LPCAT3: variants seen among roughly 807,000 people sequenced by gnomAD.
The protein encoded by LPCAT3 is lysophosphatidylcholine acyltransferase 3.
A neutral mutation model predicts 63.4 loss-of-function variants in LPCAT3; 21 were observed. The ratio of observed to expected loss-of-function variants is 0.33; its 90% confidence interval spans 0.23 to 0.48. The LOEUF is 0.48. Among genes scored for constraint, LPCAT3 ranks in the 20% least tolerant of loss-of-function variants. The pLI, the probability that LPCAT3 is intolerant of heterozygous loss-of-function variation, is 0.99. For synonymous variants in LPCAT3, 242 were observed against 227.5 expected (o/e 1.06, Z -0.58); for missense variants, 451 against 590.6 (o/e 0.76, Z 2.45).
Position 7,018,278 on chromosome 12 carries a change from G to A in LPCAT3, c.147C>T (p.Phe49=). 6.2e-7 allele frequency: 1 copy of A among 1,601,428 alleles called. No homozygotes were observed. Among genetic ancestry groups the A allele is most frequent in the Non-Finnish European group, 8.5e-7 (1 of 1,174,456 alleles). ...GGGAGGCAGGAGGGTCCTTACCCAGGAAGATGGAGATGATCAGCCGCAGCG... is the reference window on the plus strand; with the variant it reads ...GGGAGGCAGGAGGGTCCTTACCCAGAAAGATGGAGATGATCAGCCGCAGCG... ...EQALRLIISI[F]LGYPFALFYR... The change falls in exon 1 of 13, where the codon TTC becomes TTT. Residue 49 remains phenylalanine (F), a synonymous_variant. Transcript: ENST00000261407. This position sits in a 1 kb window ranked among gnomAD's most constrained non-coding sequence, Gnocchi z 4.9.
intron 2 of LPCAT3, 169 bp from the exon 3 acceptor site, chr12:6,982,951 G>C (rs1034613728): frequency 7.5e-6 from 5 of 664,978 alleles, no homozygotes; most frequent in Admixed American, 2.4e-5. Context: ...AAATAAAAAA[G>C]ATTATTAGGG....
At chr12:7,007,804 G>A (rs1051639748) in intron 1 of LPCAT3, among the ~76,000 whole-genome samples, 1 of 152,090 alleles carries the variant, frequency 6.6e-6, no homozygotes, top group South Asian at 2.1e-4. Context: ...CATGACAAAA[G>A]CTTTTTATTT....
intron 7 of LPCAT3, chr12:6,979,133 A>ATAT (rs1946442311): frequency 5.9e-6 from 2 of 336,356 alleles, no homozygotes; most frequent in Non-Finnish European, 1.1e-5. Flanking sequence ...AAGTGCCCAA[A>ATAT]TGTATCAGTC....
rs782658943 is a variant in LPCAT3 at position 7,007,204 on chromosome 12, C to T, written c.151+11070G>A. ...GATTACAAGCGCCTGCCACCATGCC[C>T]GGCTAATTTTTTGGATTTTTTTTTT... On this transcript the variant is annotated intron_variant, in intron 1 of 12. Coordinates refer to ENST00000261407, the MANE Select transcript of LPCAT3 (RefSeq NM_005768.6). Among the ~76,000 whole-genome samples the T allele has an allele frequency of 2.0e-3, 305 of 151,838 alleles. 1 individual carries two copies. Among genetic ancestry groups the T allele is most frequent in the African/African-American group, 6.4e-3 (266 of 41,388 alleles).
At chr12:6,992,626 T>C (rs782044082) in intron 1 of LPCAT3, among the ~76,000 whole-genome samples, 1 of 152,250 alleles carries the variant, frequency 6.6e-6, no homozygotes, top group Non-Finnish European at 1.5e-5. Flanking sequence ...GACTGCATGC[T>C]GATATGGAAT....
At position 7,018,428 on chromosome 12, in the gene LPCAT3, A is replaced by T; in HGVS notation, c.-4T>A. 15 of 1,598,244 alleles carry T rather than the reference A, an allele frequency of 9.4e-6. No homozygotes were observed. Among genetic ancestry groups the T allele is most frequent in the Non-Finnish European group, 1.2e-5 (14 of 1,171,364 alleles). ...CCCCCTCCGCTGAGGACGCCATCTT[A>T]ACTCCGGGAGCCCCACAGGGACCCC... On this transcript the variant is annotated 5_prime_UTR_variant, in exon 1 of 13. Transcript: ENST00000261407. The surrounding 1 kb of genome is among the most constrained non-coding windows in gnomAD (Gnocchi z 4.9).
Position 6,978,209 on chromosome 12 carries a change from C to G in LPCAT3, c.1040+132G>C, listed in dbSNP as rs966785470. 3.1e-5 allele frequency: 33 copies of G among 1,081,670 alleles called. No individual in the cohort carries two copies. The Admixed American group carries it at 4.1e-4, about 14-fold the overall frequency. The allele number at this position is 1,081,670 out of a possible 1,614,324, so 67.0% of individuals were successfully genotyped here. Reference sequence around the variant, plus strand: ...GGGGGGTATAGGTGGGGGTCAAAGTCAGTGTGAGCGACAGGGGGTTCTGCC... The same window carrying G: ...GGGGGGTATAGGTGGGGGTCAAAGTGAGTGTGAGCGACAGGGGGTTCTGCC... On this transcript the variant is annotated intron_variant, in intron 9 of 12. Transcript: ENST00000261407.
intron 9 of LPCAT3, 158 bp downstream of exon 9, chr12:6,978,183 A>C: frequency 1.5e-6 from 1 of 670,812 alleles, no homozygotes; most frequent in Non-Finnish European, 2.3e-6. Flanking sequence ...TTTTTTTGGG[A>C]GGGGGGTATA....
At chr12:6,979,727 GT>G in intron 6 of LPCAT3, 148 bp from the exon 7 acceptor site, 1 of 625,224 alleles carries the variant, frequency 1.6e-6, no homozygotes, top group South Asian at 1.9e-5. Context: ...AGTGTTTCCT[GT>G]TTCAGGGAAA....
chr12:7,007,493 CT>C (rs1161030834), intron 1 of LPCAT3, among the ~76,000 whole-genome samples: 4,470 of 121,620 alleles, frequency 0.037, 43 homozygotes, highest in African/African-American at 0.08. Flanking sequence ...TTGACAAAAG[CT>C]TTTTTTTTTT....
intron 1 of LPCAT3, among the ~76,000 whole-genome samples, chr12:6,993,459 A>G (rs1400855445): frequency 6.6e-6 from 1 of 151,918 alleles, no homozygotes; most frequent in Non-Finnish European, 1.5e-5. Context: ...AAGGTTGTGC[A>G]GCCATCCCCA....
chr12:7,005,189 C>T (rs1325982158), intron 1 of LPCAT3, among the ~76,000 whole-genome samples: 1 of 152,202 alleles, frequency 6.6e-6, no homozygotes, highest in Non-Finnish European at 1.5e-5. Context: ...TGGAATCATA[C>T]AATATGTGGC....
At chr12:7,012,373 C>T (rs782256344) in intron 1 of LPCAT3, among the ~76,000 whole-genome samples, 60 of 134,176 alleles carry the variant, frequency 4.5e-4, no homozygotes, top group African/African-American at 1.8e-3. Context: ...TCAGGCAGAA[C>T]TCAGTGTGAC....
chr12:6,991,567 C>T (rs1478966580), intron 1 of LPCAT3, among the ~76,000 whole-genome samples: 4 of 152,162 alleles, frequency 2.6e-5, no homozygotes, highest in Non-Finnish European at 4.4e-5. Flanking sequence ...TGGTCAAGCT[C>T]ATGGGAGTGG....
chr12:6,977,825 G>A lies in LPCAT3; in HGVS notation c.1041-80C>T. On this transcript the variant is annotated intron_variant, in intron 9 of 12. Coordinates refer to ENST00000261407, the MANE Select transcript of LPCAT3 (RefSeq NM_005768.6). This position sits in a 1 kb window ranked among gnomAD's most constrained non-coding sequence, Gnocchi z 4.5. ...CCACCTGCCTCTGGGTCCTCACCCT[G>A]AGGATTGGATTGGAGTGCTGGTGGG... 2.6e-6 allele frequency: 4 copies of A among 1,561,696 alleles called. No individual in the cohort carries two copies. Among genetic ancestry groups the A allele is most frequent in the Non-Finnish European group, 3.5e-6 (4 of 1,139,918 alleles).
chr12:6,977,139 A>T lies in LPCAT3; in HGVS notation c.*7T>A, dbSNP rs1330045901. The stretch of plus-strand genomic sequence containing the variant: ...GTTTAGCTGTATTAACTTACCAGGG[A>T]AATGGATTATTCCATCTTCTTTAAC... On this transcript the variant is annotated 3_prime_UTR_variant, in exon 12 of 13. Transcript: ENST00000261407. The surrounding 1 kb of genome is among the most constrained non-coding windows in gnomAD (Gnocchi z 4.5). 2 of 1,571,156 alleles carry T rather than the reference A, an allele frequency of 1.3e-6. No homozygotes were observed. The highest frequency in any genetic ancestry group is 1.8e-6 in the Non-Finnish European group (2 of 1,140,840).
At chr12:6,978,313 G>C in intron 9 of LPCAT3, 28 bp downstream of exon 9, 1 of 1,587,308 alleles carries the variant, frequency 6.3e-7, no homozygotes, top group Non-Finnish European at 8.6e-7. Context: ...GAAGGAACCA[G>C]GGTCCAGGCT....
rs142892624 is a variant in LPCAT3 at position 6,998,543 on chromosome 12, C to T, written c.152-15004G>A. The stretch of plus-strand genomic sequence containing the variant: ...AAATAGGAAGGAGAGTTAAGCTCTG[C>T]CTGACACTGTCTACTTAAGTGATGG... On this transcript the variant is annotated intron_variant, in intron 1 of 12. Coordinates refer to ENST00000261407, the MANE Select transcript of LPCAT3 (RefSeq NM_005768.6). Among the ~76,000 whole-genome samples, 108 of 152,310 alleles carry T rather than the reference C, an allele frequency of 7.1e-4. No homozygotes were observed. In the East Asian group the frequency reaches 0.015, roughly 21 times the overall value.
chr12:6,993,629 C>G (rs1014440046), intron 1 of LPCAT3, among the ~76,000 whole-genome samples: 3 of 152,100 alleles, frequency 2.0e-5, no homozygotes, highest in Non-Finnish European at 4.4e-5. Flanking sequence ...ATATAAATGG[C>G]GTCAGGCAAT....
Sources: allele counts gnomAD v4.1 joint callset (sites outside exome capture counted in the v4.1 genomes callset), GRCh38; gene constraint gnomAD v4.1.1; non-coding constraint Gnocchi (gnomAD v3.1); transcripts MANE v1.5; gene names NCBI Gene and HGNC (gene_info 2026-07-23, HGNC 2026-07-21).